KNDC1: variants seen among roughly 807,000 people sequenced by gnomAD.
KNDC1 encodes the protein kinase non-catalytic C-lobe domain containing 1.
A neutral mutation model predicts 172.8 loss-of-function variants in KNDC1; 106 were observed. That is an observed-to-expected ratio of 0.61 (90% CI 0.52 to 0.72). The LOEUF (loss-of-function observed/expected upper bound fraction) is 0.72. KNDC1 is among the 30% of genes least tolerant of loss of function. The pLI is 0.00. For missense variants in KNDC1, 2,325 were observed against 2,394.5 expected, an observed-to-expected ratio of 0.97 and a Z score of 0.61; for synonymous variants, 1,083 against 1,062.2, an observed-to-expected ratio of 1.02 and a Z score of -0.38.
At chr10:133,214,956 G>A (rs976396046) in intron 26 of KNDC1, among the ~76,000 whole-genome samples, 11 of 152,192 alleles carry the variant, frequency 7.2e-5, no homozygotes, top group Non-Finnish European at 1.6e-4. Flanking sequence ...CAGCCCCAGG[G>A]GTCTGCACCT....
intron 17 of KNDC1, 113 bp from the exon 18 acceptor site, chr10:133,206,572 C>G: frequency 1.2e-6 from 1 of 864,742 alleles, no homozygotes; most frequent in Non-Finnish European, 1.9e-6. Flanking sequence ...GGGACCCTGC[C>G]CTGCAGCTGA....
At chr10:133,190,813 T>G (rs12360289) in intron 9 of KNDC1, among the ~76,000 whole-genome samples, 3,343 of 152,280 alleles carry the variant, frequency 0.022, 45 homozygotes, top group Middle Eastern at 0.034. Context: ...CAGGCCGACC[T>G]CAGGGGGTTG....
In KNDC1 at chr10:133,186,192, G is replaced by T. The variant is rs759847394; in HGVS notation, c.844G>T (p.Val282Phe). Residue 282 changes from valine (V) to phenylalanine (F), a missense_variant, in exon 6 of 30, where the codon GTC becomes TTC. Transcript: ENST00000304613. ...SHSREGLAGL[V>F]LDAERTLGEL... ...CAGCCGGGAGGGGCTGGCCGGCCTC[G>T]TCCTGGATGCCGAGCGCACCCTCGG... is the stretch of plus-strand genomic sequence containing the variant. 1.9e-6 allele frequency: 3 copies of T among 1,572,920 alleles called. No individual in the cohort carries two copies. The highest frequency in any genetic ancestry group is 2.6e-6 in the Non-Finnish European group (3 of 1,159,674).
At chr10:133,160,751 C>T (rs1290756701) in intron 1 of KNDC1, among the ~76,000 whole-genome samples, 182 bp downstream of exon 1, 1 of 152,156 alleles carries the variant, frequency 6.6e-6, no homozygotes, top group Non-Finnish European at 1.5e-5. Flanking sequence ...GGGACAGCAC[C>T]CCCGAATGCG....
intron 24 of KNDC1, among the ~76,000 whole-genome samples, chr10:133,213,436 C>T (rs1246873656): frequency 6.6e-6 from 1 of 152,358 alleles, no homozygotes. Context: ...CACCTGCTGT[C>T]ACGAGGGCTG....
In KNDC1 at chr10:133,173,238, G is replaced by A. The variant is rs181116104; in HGVS notation, c.360+4926G>A. On this transcript the variant is annotated intron_variant, in intron 3 of 29. Coordinates refer to ENST00000304613, the MANE Select transcript of KNDC1 (RefSeq NM_152643.8). ...TTCCAAAGAGCCTCCTCTGTGTCCC[G>A]TCTGCTCTCCTGGCCTGTCTGTGTT... 1.7e-3 allele frequency among the ~76,000 whole-genome samples: 257 copies of A among 152,250 alleles called. 2 individuals are homozygous for A. Among genetic ancestry groups the A allele is most frequent in the Non-Finnish European group, 2.4e-3 (163 of 68,014 alleles).
chr10:133,183,800 CG>C, intron 4 of KNDC1, 71 bp from the exon 5 acceptor site: 1 of 1,217,706 alleles, frequency 8.2e-7, no homozygotes, highest in East Asian at 2.4e-5. Flanking sequence ...AGGATCCGGC[CG>C]TGTCGGGTGG....
In KNDC1 at chr10:133,224,477, C is replaced by G. The variant is rs11597199; in HGVS notation, c.5019-182C>G. Reference sequence around the variant, plus strand: ...GTGGATGGATGGACAGTCAGACAGACGGAAAGGTCTGAGTAGTGACCTTTC... The same window carrying G: ...GTGGATGGATGGACAGTCAGACAGAGGGAAAGGTCTGAGTAGTGACCTTTC... On this transcript the variant is annotated intron_variant, in intron 29 of 29. Coordinates refer to ENST00000304613, the MANE Select transcript of KNDC1 (RefSeq NM_152643.8). The surrounding 1 kb of genome is among the most constrained non-coding windows in gnomAD (Gnocchi z 5.4). Among the ~76,000 whole-genome samples, 1 of 151,928 alleles carries G rather than the reference C, an allele frequency of 6.6e-6. No individual in the cohort carries two copies. Among genetic ancestry groups the G allele is most frequent in the Non-Finnish European group, 1.5e-5 (1 of 67,968 alleles).
At chr10:133,214,275 G>A (rs1340656822) in intron 26 of KNDC1, among the ~76,000 whole-genome samples, 153 bp downstream of exon 26, 1 of 152,194 alleles carries the variant, frequency 6.6e-6, no homozygotes, top group Admixed American at 6.5e-5. Flanking sequence ...CCAAGGCTGA[G>A]GGGAGCAGGG....
At chr10:133,211,601 C>T (rs1439527071) in intron 22 of KNDC1, 32 bp downstream of exon 22, 2 of 1,604,264 alleles carry the variant, frequency 1.2e-6, no homozygotes, top group African/African-American at 2.7e-5. Context: ...GCGGCCGCAC[C>T]CGGGGCTCCC....
chr10:133,168,498 C>A (rs1321426378), intron 3 of KNDC1, among the ~76,000 whole-genome samples, 186 bp downstream of exon 3: 1 of 152,086 alleles, frequency 6.6e-6, no homozygotes, highest in Non-Finnish European at 1.5e-5. Flanking sequence ...GGCTTCGTCC[C>A]CTGCAGCGTT....
rs1465670893 is a variant in KNDC1, at chr10:133,189,745, C to T, written c.1514-7C>T. 3 of 1,614,098 alleles carry T rather than the reference C, an allele frequency of 1.9e-6. No individual in the cohort carries two copies. Among genetic ancestry groups the T allele is most frequent in the Non-Finnish European group, 2.5e-6 (3 of 1,180,002 alleles). On this transcript the variant is annotated splice_region_variant and splice_polypyrimidine_tract_variant and intron_variant, in intron 8 of 29. Transcript: ENST00000304613. The stretch of plus-strand genomic sequence containing the variant: ...GTGAGGAAAGCTCAGTCGGGTTTCT[C>T]TCTTAGGTTCCTATGACTCGTTCTT...
intron 3 of KNDC1, among the ~76,000 whole-genome samples, chr10:133,177,194 G>A (rs1034074266): frequency 5.0e-5 from 7 of 139,814 alleles, no homozygotes; most frequent in Non-Finnish European, 3.3e-5. Context: ...TCATGTGCAC[G>A]TGTATGTAGT....
intron 15 of KNDC1, 106 bp from the exon 16 acceptor site, chr10:133,200,269 G>T: frequency 3.7e-6 from 3 of 806,946 alleles, no homozygotes; most frequent in Non-Finnish European, 5.4e-6. Flanking sequence ...GCCGCCTCCA[G>T]CGAGAGCTCC....
intron 3 of KNDC1, among the ~76,000 whole-genome samples, chr10:133,176,251 A>C (rs1853535324): frequency 6.7e-6 from 1 of 150,018 alleles, no homozygotes; most frequent in Non-Finnish European, 1.5e-5. Context: ...GGGTGGATGG[A>C]TACATAGGCG....
intron 9 of KNDC1, among the ~76,000 whole-genome samples, chr10:133,193,332 C>A (rs1854109229): frequency 6.6e-6 from 1 of 152,104 alleles, no homozygotes; most frequent in Admixed American, 6.5e-5. Context: ...TGAGACCAGC[C>A]TGGCCAAGAT....
intron 1 of KNDC1, 81 bp from the exon 2 acceptor site, chr10:133,167,300 C>A: frequency 7.3e-7 from 1 of 1,379,082 alleles, no homozygotes; most frequent in Non-Finnish European, 9.8e-7. Flanking sequence ...TCGTCCGTTT[C>A]CCCAGGGAAT....
Position 133,201,712 on chromosome 10 carries a change from C to T in KNDC1, c.3201C>T (p.Thr1067=), listed in dbSNP as rs770855837. ...AGGASDVEAV[T]RLARSKGVGP... is the part of the protein sequence containing the mutation. ...GGGCCTCAGACGTGGAGGCAGTGAC[C>T]CGACTGGCCAGGTCCAAAGGGGTCG... is the stretch of plus-strand genomic sequence containing the variant. The change falls in exon 17 of 30, where the codon ACC becomes ACT. Residue 1067 remains threonine (T), a synonymous_variant. Transcript: ENST00000304613. The T allele has an allele frequency of 2.5e-6, 4 of 1,610,022 alleles. No homozygotes were observed. The highest frequency in any genetic ancestry group is 2.2e-5 in the East Asian group (1 of 44,870).
At chr10:133,168,444 T>A in intron 3 of KNDC1, 132 bp downstream of exon 3, 4 of 889,218 alleles carry the variant, frequency 4.5e-6, no homozygotes, top group Non-Finnish European at 5.5e-6. Context: ...GAGCCGCTGC[T>A]GCCCGGTTCA....
Sources: allele counts gnomAD v4.1 joint callset (sites outside exome capture counted in the v4.1 genomes callset), GRCh38; gene constraint gnomAD v4.1.1; non-coding constraint Gnocchi (gnomAD v3.1); transcripts MANE v1.5; gene names NCBI Gene and HGNC (gene_info 2026-07-23, HGNC 2026-07-21).